The following TCF12 variants were observed in gnomAD, a reference collection of about 807,000 sequenced individuals.
TCF12 encodes DNA-binding protein HTF4.
In TCF12, 45 loss-of-function variants were observed where a neutral mutation model predicts 86.0. The ratio of observed to expected loss-of-function variants is 0.52; its 90% CI spans 0.41 to 0.67. The LOEUF (loss-of-function observed/expected upper bound fraction) is 0.67. TCF12 is among the 30% of genes least tolerant of loss of function. The pLI is 0.00. For missense variants in TCF12, 881 were observed against 859.9 expected (o/e 1.02, Z -0.31); for synonymous variants, 330 against 299.6 (o/e 1.10, Z -1.05).
At chr15:57,024,362 C>T (rs764992240) in intron 3 of TCF12, among the ~76,000 whole-genome samples, 2 of 151,718 alleles carry the variant, frequency 1.3e-5, no homozygotes, top group African/African-American at 4.8e-5. Context: ...TACAGGCGCC[C>T]GCCACCAAAC....
intron 3 of TCF12, among the ~76,000 whole-genome samples, chr15:56,984,178 C>T (rs1025228478): frequency 9.3e-5 from 14 of 150,996 alleles, no homozygotes; most frequent in Non-Finnish European, 2.1e-4. Flanking sequence ...TGTATAAACA[C>T]GTGAACACAT....
upstream of TCF12, chr15:56,918,416 C>T (rs1186282945): frequency 1.4e-5 from 5 of 360,514 alleles, no homozygotes; most frequent in Non-Finnish European, 2.8e-5. Flanking sequence ...GCGGTCGGGG[C>T]CTGCTTCTCG....
chr15:57,191,849 G>A (rs779677800), intron 6 of TCF12, among the ~76,000 whole-genome samples: 2 of 151,738 alleles, frequency 1.3e-5, no homozygotes, highest in African/African-American at 2.4e-5. Flanking sequence ...CATGAGAATC[G>A]CTTGAACACG....
chr15:56,968,845 A>T (rs149135690), intron 3 of TCF12, among the ~76,000 whole-genome samples: 6,146 of 152,272 alleles, frequency 0.04, 372 homozygotes, highest in Admixed American at 0.17. Context: ...ATCAGTCATT[A>T]TGTGTAAGAT....
intron 13 of TCF12, among the ~76,000 whole-genome samples, chr15:57,248,983 A>G (rs962590406): frequency 2.0e-5 from 3 of 152,230 alleles, no homozygotes; most frequent in African/African-American, 7.2e-5. Flanking sequence ...CAAAGTCAGT[A>G]ATTTGATGAT....
At chr15:56,920,078 G>A (rs2059712739) in intron 2 of TCF12, 90 bp downstream of exon 2, 4 of 1,253,906 alleles carry the variant, frequency 3.2e-6, no homozygotes, top group Non-Finnish European at 4.6e-6. Flanking sequence ...GTGAGGGGAA[G>A]CAACGTGGAG....
chr15:57,135,918 A>G (rs577988439), intron 5 of TCF12, among the ~76,000 whole-genome samples: 3 of 148,292 alleles, frequency 2.0e-5, no homozygotes, highest in East Asian at 2.0e-4. Context: ...TAGAGGGGGA[A>G]AAAATCTGGA....
intron 5 of TCF12, among the ~76,000 whole-genome samples, chr15:57,108,737 C>G (rs1317392279): frequency 1.3e-5 from 2 of 152,012 alleles, no homozygotes; most frequent in African/African-American, 2.4e-5. Context: ...TGAGCTAATT[C>G]ATAACTTCCC....
intron 5 of TCF12, among the ~76,000 whole-genome samples, chr15:57,116,940 A>T (rs1418397560): frequency 1.3e-5 from 2 of 152,052 alleles, no homozygotes; most frequent in African/African-American, 4.8e-5. Context: ...GTGTGAGTTG[A>T]TTTGAATACT....
chr15:57,259,429 G>A (rs2060486492), intron 16 of TCF12, among the ~76,000 whole-genome samples: 1 of 152,218 alleles, frequency 6.6e-6, no homozygotes, highest in Non-Finnish European at 1.5e-5. Context: ...CTGTTTTCCA[G>A]TTTGTCCCTC....
chr15:56,981,074 C>T (rs2062866883), intron 3 of TCF12, among the ~76,000 whole-genome samples: 1 of 152,182 alleles, frequency 6.6e-6, no homozygotes, highest in African/African-American at 2.4e-5. Context: ...ATTTATCTAA[C>T]AACATGAACT....
chr15:57,077,317 A>ATG (rs1221445568), intron 4 of TCF12, among the ~76,000 whole-genome samples: 7 of 121,470 alleles, frequency 5.8e-5, no homozygotes, highest in African/African-American at 2.6e-4. Context: ...TTCCATATAT[A>ATG]TGTATATATA....
At chr15:57,204,308 A>G (rs2057705047) in intron 8 of TCF12, among the ~76,000 whole-genome samples, 1 of 152,068 alleles carries the variant, frequency 6.6e-6, no homozygotes, top group Non-Finnish European at 1.5e-5. Flanking sequence ...AAAACTGTCC[A>G]GGTATGGTGG....
Position 57,028,496 on chromosome 15 carries a change from G to T in TCF12, c.149-35254G>T, listed in dbSNP as rs566852611. ...TTGGACATTTTTTCATGTGCTTATT[G>T]TTCATGTATGTATCTTCTTTTGCCC... is the stretch of plus-strand genomic sequence containing the variant. On this transcript the variant is annotated intron_variant, in intron 3 of 20. Transcript: ENST00000333725. Among the ~76,000 whole-genome samples, 12 of 152,184 alleles carry T rather than the reference G, an allele frequency of 7.9e-5. 1 individual carries two copies. Among genetic ancestry groups the T allele is most frequent in the Admixed American group, 4.6e-4 (7 of 15,282 alleles).
At chr15:57,001,099 C>T (rs1398700054) in intron 3 of TCF12, among the ~76,000 whole-genome samples, 3 of 150,846 alleles carry the variant, frequency 2.0e-5, no homozygotes, top group South Asian at 2.1e-4. Context: ...TCACTGCAAC[C>T]TGTACCTCCC....
chr15:57,142,179 A>T (rs1217083181), intron 5 of TCF12, among the ~76,000 whole-genome samples: 2 of 152,334 alleles, frequency 1.3e-5, no homozygotes, highest in South Asian at 4.1e-4. Context: ...ATGTAAACAT[A>T]TTATAGATAA....
At chr15:57,147,578 G>A (rs1350864169) in intron 5 of TCF12, among the ~76,000 whole-genome samples, 1 of 151,842 alleles carries the variant, frequency 6.6e-6, no homozygotes, top group Non-Finnish European at 1.5e-5. Flanking sequence ...AAAAAAAACA[G>A]AAAGTATAAA....
At chr15:56,975,079 T>C (rs1339521537) in intron 3 of TCF12, among the ~76,000 whole-genome samples, 1 of 152,172 alleles carries the variant, frequency 6.6e-6, no homozygotes, top group African/African-American at 2.4e-5. Flanking sequence ...ATTTGCAATA[T>C]TCATAAAATG....
chr15:56,986,936 G>T (rs1170328651), intron 3 of TCF12, among the ~76,000 whole-genome samples: 1 of 152,104 alleles, frequency 6.6e-6, no homozygotes, highest in African/African-American at 2.4e-5. Context: ...TTCTGTTAAG[G>T]AACTCGTTTA....
Sources: gnomAD v4.1 joint callset for allele counts (sites outside exome capture counted in the v4.1 genomes callset) on GRCh38, gnomAD v4.1.1 for gene constraint, MANE v1.5 for transcripts, NCBI Gene and HGNC (gene_info 2026-07-23, HGNC 2026-07-21) for gene names.